The following GRM7 variants were observed in gnomAD, a reference collection of about 807,000 sequenced individuals.
GRM7 encodes glutamate metabotropic receptor 7.
GRM7 carries 35 observed loss-of-function variants against 84.5 expected under a neutral mutation model. That is an observed-to-expected ratio of 0.41 (90% CI 0.32 to 0.55). The LOEUF is 0.55. Among genes scored for constraint, GRM7 ranks in the 20% least tolerant of loss-of-function variants. The pLI is 0.19. For synonymous variants in GRM7, 487 were observed against 455.1 expected (o/e 1.07, Z -0.89); for missense variants, 1,003 against 1,194.6 (o/e 0.84, Z 2.36).
At chr3:7,466,795 A>G (rs756847961) in intron 7 of GRM7, among the ~76,000 whole-genome samples, 15 of 152,154 alleles carry the variant, frequency 9.9e-5, no homozygotes, top group Non-Finnish European at 1.8e-4. Flanking sequence ...TGGTTACGAT[A>G]GACCAACTTT....
intron 1 of GRM7, among the ~76,000 whole-genome samples, chr3:7,031,831 C>A (rs556220037): frequency 6.6e-6 from 1 of 152,102 alleles, no homozygotes; most frequent in South Asian, 2.1e-4. Flanking sequence ...TAGCACAAGG[C>A]CAAGCACAAA....
At chr3:7,195,972 C>T (rs1166609435) in intron 2 of GRM7, among the ~76,000 whole-genome samples, 3 of 151,946 alleles carry the variant, frequency 2.0e-5, no homozygotes, top group Non-Finnish European at 4.4e-5. Context: ...TACAGGTATA[C>T]TTGTATATCT....
chr3:7,691,692 G>A (rs1271936474), intron 9 of GRM7, among the ~76,000 whole-genome samples: 5 of 151,960 alleles, frequency 3.3e-5, no homozygotes, highest in African/African-American at 2.4e-5. Flanking sequence ...ATGGAGGCTC[G>A]CCCTGTCACC....
At chr3:7,330,708 C>T (rs985214367) in intron 4 of GRM7, among the ~76,000 whole-genome samples, 2 of 152,182 alleles carry the variant, frequency 1.3e-5, no homozygotes, top group Non-Finnish European at 1.5e-5. Flanking sequence ...GATTCTGAGG[C>T]CTCCCCAGCC....
intron 7 of GRM7, among the ~76,000 whole-genome samples, chr3:7,563,351 T>C (rs1272849706): frequency 6.6e-6 from 1 of 152,162 alleles, no homozygotes; most frequent in Non-Finnish European, 1.5e-5. Flanking sequence ...ATCCTAATCC[T>C]AAAAGTTCTT....
At chr3:6,882,600 A>G (rs995841545) in intron 1 of GRM7, among the ~76,000 whole-genome samples, 7 of 152,332 alleles carry the variant, frequency 4.6e-5, no homozygotes, top group South Asian at 2.1e-4. Flanking sequence ...CCCATTTCCA[A>G]TAAATGATCT....
At chr3:7,120,617 A>G (rs148407926) in intron 1 of GRM7, among the ~76,000 whole-genome samples, 4 of 152,268 alleles carry the variant, frequency 2.6e-5, no homozygotes, top group African/African-American at 9.6e-5. Context: ...TATATTGCCA[A>G]AAATATATTC....
chr3:7,523,430 CT>C (rs1306958996), intron 7 of GRM7, among the ~76,000 whole-genome samples: 1 of 152,142 alleles, frequency 6.6e-6, no homozygotes, highest in Non-Finnish European at 1.5e-5. Context: ...AATGTGCACT[CT>C]GTTTTGCTAG....
chr3:7,106,353 T>C (rs1342165984), intron 1 of GRM7, among the ~76,000 whole-genome samples: 1 of 151,864 alleles, frequency 6.6e-6, no homozygotes, highest in African/African-American at 2.4e-5. Context: ...TTTTTCTTAT[T>C]TTCTGGGATC....
At position 6,861,924 on chromosome 3, in the gene GRM7, T is replaced by G. The variant is rs940983748; in HGVS notation, c.519+17T>G. 6.3e-7 allele frequency: 1 copy of G among 1,592,344 alleles called. No individual in the cohort carries two copies. Among genetic ancestry groups the G allele is most frequent in the Admixed American group, 1.7e-5 (1 of 59,060 alleles). ...CTCTTCCAGGTAGGGATGCGCTCCC[T>G]CCGGGGCGGAGCACACAGTGGCTAC... On this transcript the variant is annotated intron_variant, in intron 1 of 9. Coordinates refer to ENST00000357716, the MANE Select transcript of GRM7 (RefSeq NM_000844.4). The surrounding 1 kb of genome is among the most constrained non-coding windows in gnomAD (Gnocchi z 6.4).
rs545071385 is a variant in GRM7 at position 7,741,056 on chromosome 3, G to A, written c.*650G>A. 2.0e-5 allele frequency: 3 copies of A among 152,228 alleles called. No individual in the cohort carries two copies. Among genetic ancestry groups the A allele is most frequent in the African/African-American group, 7.2e-5 (3 of 41,380 alleles). 9.4% of individuals were successfully genotyped at this position (152,228 alleles called of 1,614,324 possible). On this transcript the variant is annotated 3_prime_UTR_variant, in exon 10 of 10. Transcript: ENST00000357716. ...GTTTAAAGACCAAAAACTGTGCTGA[G>A]AAAGTATGCCCCACCTATCTTTGGT...
intron 7 of GRM7, among the ~76,000 whole-genome samples, chr3:7,574,096 A>G (rs1694837680): frequency 6.8e-6 from 1 of 147,274 alleles, no homozygotes; most frequent in Non-Finnish European, 1.5e-5. Context: ...TGTCTTCTTT[A>G]TTTTTATTTT....
intron 2 of GRM7, among the ~76,000 whole-genome samples, chr3:7,197,017 G>A (rs958358244): frequency 3.9e-5 from 6 of 152,238 alleles, no homozygotes; most frequent in Admixed American, 2.0e-4. Flanking sequence ...GACTTTTCTT[G>A]AATTAAAGGA....
Position 7,414,701 on chromosome 3 carries a change from G to C in GRM7, c.1034-322G>C, listed in dbSNP as rs545862740. Reference sequence around the variant, plus strand: ...TTCTTAAAATAATATTCATGGATCAGGAGCTGACATGGTTAGGGATGCAGA... The same window carrying C: ...TTCTTAAAATAATATTCATGGATCACGAGCTGACATGGTTAGGGATGCAGA... On this transcript the variant is annotated intron_variant, in intron 4 of 9. Coordinates refer to ENST00000357716, the MANE Select transcript of GRM7 (RefSeq NM_000844.4). Among the ~76,000 whole-genome samples the C allele has an allele frequency of 3.9e-5, 6 of 152,206 alleles. No homozygotes were observed. The South Asian group carries it at 6.2e-4, about 16-fold the overall frequency.
chr3:7,703,683 G>A (rs1701301672), intron 9 of GRM7, among the ~76,000 whole-genome samples: 1 of 152,150 alleles, frequency 6.6e-6, no homozygotes, highest in Admixed American at 6.6e-5. Flanking sequence ...AGGCATAGGT[G>A]CTATACTGAG....
chr3:6,908,278 C>T (rs931520256), intron 1 of GRM7, among the ~76,000 whole-genome samples: 4 of 152,128 alleles, frequency 2.6e-5, no homozygotes, highest in Non-Finnish European at 5.9e-5. Flanking sequence ...TCTGCTTACG[C>T]GGTTCTTTCA....
chr3:7,375,606 C>T (rs1435929814), intron 4 of GRM7, among the ~76,000 whole-genome samples: 1 of 152,118 alleles, frequency 6.6e-6, no homozygotes, highest in Non-Finnish European at 1.5e-5. Context: ...CCATGCCCTG[C>T]TCTTTCTCAC....
intron 2 of GRM7, among the ~76,000 whole-genome samples, chr3:7,279,511 T>A (rs766204481): frequency 6.6e-6 from 1 of 152,098 alleles, no homozygotes; most frequent in Non-Finnish European, 1.5e-5. Flanking sequence ...TGACACCACA[T>A]CCACCAGTAG....
At chr3:7,190,685 C>T (rs1244604255) in intron 2 of GRM7, among the ~76,000 whole-genome samples, 1 of 151,994 alleles carries the variant, frequency 6.6e-6, no homozygotes, top group Admixed American at 6.6e-5. Flanking sequence ...ACTGTCCTTC[C>T]TACAAGCAGT....
Sources: allele counts gnomAD v4.1 joint callset (sites outside exome capture counted in the v4.1 genomes callset), GRCh38; gene constraint gnomAD v4.1.1; non-coding constraint Gnocchi (gnomAD v3.1); transcripts MANE v1.5; gene names NCBI Gene and HGNC (gene_info 2026-07-23, HGNC 2026-07-21).